LIPA: variants seen among roughly 807,000 people sequenced by gnomAD.
LIPA encodes the protein lysosomal acid lipase/cholesteryl ester hydrolase.
LIPA carries 26 observed loss-of-function variants against 40.6 expected under a neutral mutation model. That is an observed-to-expected ratio of 0.64 (90% CI 0.47 to 0.89). LIPA has a LOEUF of 0.89. Among genes scored for constraint, LIPA ranks in the 40% least tolerant of loss-of-function variants. The pLI, the probability that LIPA is intolerant of heterozygous loss-of-function variation, is 0.00. For missense variants in LIPA, 455 were observed against 479.6 expected, an observed-to-expected ratio of 0.95 and a Z score of 0.48; for synonymous variants, 188 against 168.4, an observed-to-expected ratio of 1.12 and a Z score of -0.90.
chr10:89,392,356 C>T (rs1229852666), intron 2 of LIPA, among the ~76,000 whole-genome samples: 1 of 152,080 alleles, frequency 6.6e-6, no homozygotes, highest in Non-Finnish European at 1.5e-5. Context: ...TTAGGGAGGA[C>T]GTGAATCTCG....
At chr10:89,289,021 T>C (rs547299911) in intron 1 of LIPA, among the ~76,000 whole-genome samples, 226 of 152,354 alleles carry the variant, frequency 1.5e-3, no homozygotes, top group African/African-American at 5.2e-3. Flanking sequence ...TCAGATCCCA[T>C]TGCTCAGGGC....
intron 1 of LIPA, among the ~76,000 whole-genome samples, chr10:89,315,947 G>T (rs1284198212): frequency 1.3e-5 from 2 of 151,960 alleles, no homozygotes; most frequent in African/African-American, 4.8e-5. Flanking sequence ...TAAGTTTTAG[G>T]GTACATGTGC....
At chr10:89,224,949 T>C in intron 6 of LIPA, 143 bp downstream of exon 6, 1 of 1,091,346 alleles carries the variant, frequency 9.2e-7, no homozygotes, top group Non-Finnish European at 1.4e-6. Flanking sequence ...GAAGGAGGGG[T>C]AAACGGAAAA....
At chr10:89,239,582 C>T (rs1018267989) in intron 3 of LIPA, among the ~76,000 whole-genome samples, 1 of 152,204 alleles carries the variant, frequency 6.6e-6, no homozygotes, top group Non-Finnish European at 1.5e-5. Flanking sequence ...AACAAGAGCA[C>T]CCTGCATCAC....
At chr10:89,369,580 G>A (rs1844080571) in intron 2 of LIPA, among the ~76,000 whole-genome samples, 1 of 152,220 alleles carries the variant, frequency 6.6e-6, no homozygotes, top group African/African-American at 2.4e-5. Flanking sequence ...TGAAATAGCT[G>A]AAGGAGGAAG....
At chr10:89,336,705 G>A (rs1372012575) in intron 1 of LIPA, among the ~76,000 whole-genome samples, 1 of 152,084 alleles carries the variant, frequency 6.6e-6, no homozygotes, top group East Asian at 1.9e-4. Context: ...CAGAATAGAT[G>A]GTTGGTATCT....
At chr10:89,382,776 T>C (rs1346445570) in intron 2 of LIPA, among the ~76,000 whole-genome samples, 1 of 152,252 alleles carries the variant, frequency 6.6e-6, no homozygotes, top group African/African-American at 2.4e-5. Context: ...TTAGAAACCC[T>C]ACCACATTCT....
intron 1 of LIPA, among the ~76,000 whole-genome samples, chr10:89,262,249 A>G (rs887973723): frequency 6.6e-6 from 1 of 152,256 alleles, no homozygotes. Flanking sequence ...ATCAGCATAT[A>G]CCATCTGACA....
chr10:89,336,325 G>A (rs988495108), intron 1 of LIPA, among the ~76,000 whole-genome samples: 1 of 152,148 alleles, frequency 6.6e-6, no homozygotes, highest in Non-Finnish European at 1.5e-5. Context: ...AAAGGAAAAG[G>A]ACTGTCCCCA....
At chr10:89,332,391 G>T in intron 1 of LIPA, 2 of 1,008,980 alleles carry the variant, frequency 2.0e-6, no homozygotes, top group Non-Finnish European at 1.4e-6. Flanking sequence ...AATCTGTCTG[G>T]AACATGTTCC....
intron 3 of LIPA, among the ~76,000 whole-genome samples, chr10:89,233,578 CAA>C (rs1462139945): frequency 6.6e-6 from 1 of 152,204 alleles, no homozygotes; most frequent in African/African-American, 2.4e-5. Flanking sequence ...TAGGTTGTTG[CAA>C]AAGTCATTGT....
intron 1 of LIPA, among the ~76,000 whole-genome samples, chr10:89,265,848 G>C (rs1821789231): frequency 6.6e-6 from 1 of 152,212 alleles, no homozygotes; most frequent in Non-Finnish European, 1.5e-5. Context: ...AAGATGCTAT[G>C]TTATTATTAC....
chr10:89,218,316 T>A (rs1455992122), intron 8 of LIPA, among the ~76,000 whole-genome samples: 1 of 152,224 alleles, frequency 6.6e-6, no homozygotes, highest in Admixed American at 6.5e-5. Flanking sequence ...AGATGATTTA[T>A]GACTGCAAAA....
intron 1 of LIPA, chr10:89,302,173 T>C: frequency 2.5e-6 from 4 of 1,607,188 alleles, no homozygotes; most frequent in African/African-American, 1.3e-5. Flanking sequence ...TGAGTCATCT[T>C]GTCCAATGCA....
At position 89,216,006 on chromosome 10, in the gene LIPA, C is replaced by A. The variant is rs1473591284; in HGVS notation, c.898G>T (p.Val300Phe). 2 of 1,603,778 alleles carry A rather than the reference C, an allele frequency of 1.2e-6. No individual in the cohort carries two copies. Among genetic ancestry groups the A allele is most frequent in the Non-Finnish European group, 1.7e-6 (2 of 1,170,580 alleles). Residue 300 changes from valine (V) to phenylalanine (F), a missense_variant, in exon 9 of 10, where the codon GTT (valine) becomes TTT (phenylalanine). Physicochemically the swap from Val to Phe is conservative, Grantham distance 50. Coordinates refer to ENST00000336233, the MANE Select transcript of LIPA (RefSeq NM_000235.4). Reference protein sequence around the residue: ...VQNMLHWSQAVKFQKFQAFDW... With the variant: ...VQNMLHWSQAFKFQKFQAFDW... ...AAGGCTTGAAACTTTTGGAATTTAA[C>A]AGCCTAAAAAGAAGATAATTTGGAA...
At chr10:89,295,685 A>G (rs1201866565) in intron 1 of LIPA, among the ~76,000 whole-genome samples, 1 of 152,262 alleles carries the variant, frequency 6.6e-6, no homozygotes, top group African/African-American at 2.4e-5. Flanking sequence ...TATATTCTAT[A>G]TAAATGAAAT....
chr10:89,282,764 G>A (rs1843323168), intron 1 of LIPA, among the ~76,000 whole-genome samples: 1 of 152,234 alleles, frequency 6.6e-6, no homozygotes, highest in South Asian at 2.1e-4. Flanking sequence ...CTTTACAGAT[G>A]AAGAACGGAT....
chr10:89,304,259 C>G (rs1252824068), intron 1 of LIPA, among the ~76,000 whole-genome samples: 1 of 149,962 alleles, frequency 6.7e-6, no homozygotes, highest in African/African-American at 2.5e-5. Flanking sequence ...ATGTAACTAA[C>G]CCCAGGTGCG....
At chr10:89,311,444 C>A (rs1226881762) in intron 1 of LIPA, among the ~76,000 whole-genome samples, 2 of 149,290 alleles carry the variant, frequency 1.3e-5, no homozygotes, top group African/African-American at 5.0e-5. Context: ...GCAGGAGAAT[C>A]TCATGAACCT....
Sources: gnomAD v4.1 joint callset for allele counts (sites outside exome capture counted in the v4.1 genomes callset) on GRCh38, gnomAD v4.1.1 for gene constraint, MANE v1.5 for transcripts, NCBI Gene and HGNC (gene_info 2026-07-23, HGNC 2026-07-21) for gene names.